CCT7: variants seen among roughly 807,000 people sequenced by gnomAD.
CCT7 encodes T-complex protein 1 subunit eta.
Under a neutral mutation model 56.6 loss-of-function variants are expected in CCT7, and 16 were observed. The observed-to-expected ratio is 0.28, with a 90% confidence interval of 0.19 to 0.43. The LOEUF (loss-of-function observed/expected upper bound fraction) is 0.43, where lower values mean the gene tolerates loss of function less well. CCT7 is among the 20% of genes least tolerant of loss of function. CCT7 has a pLI of 1.00. For synonymous variants in CCT7, 262 were observed against 254.8 expected, an observed-to-expected ratio of 1.03 and a Z score of -0.27; for missense variants, 519 against 685.6, an observed-to-expected ratio of 0.76 and a Z score of 2.71.
At position 73,239,656 on chromosome 2, in the gene CCT7, T is replaced by C; in HGVS notation, c.20T>C (p.Ile7Thr). 1.2e-6 allele frequency: 2 copies of C among 1,613,928 alleles called. No homozygotes were observed. Among genetic ancestry groups the C allele is most frequent in the Non-Finnish European group, 1.7e-6 (2 of 1,179,814 alleles). The change falls in exon 2 of 12, where the codon ATC (isoleucine) becomes ACC (threonine). Residue 7 changes from isoleucine to threonine, a missense_variant. Physicochemically the swap from Ile to Thr is moderately conservative, Grantham distance 89. This residue lies in a region of CCT7 where 276 missense variants were observed against 357.3 expected (regional missense o/e 0.77). Coordinates refer to ENST00000258091, the MANE Select transcript of CCT7 (RefSeq NM_006429.4). MMPTPV[I>T]LLKEGTDSSQ... Reference sequence around the variant, plus strand: ...TTTCTTTTCTAGCCCACACCAGTTATCCTATTGAAAGAGGGGACTGATAGC... The same window carrying C: ...TTTCTTTTCTAGCCCACACCAGTTACCCTATTGAAAGAGGGGACTGATAGC...
chr2:73,235,774 G>A (rs1352525088), intron 1 of CCT7: 3 of 161,786 alleles, frequency 1.9e-5, no homozygotes, highest in African/African-American at 7.2e-5. Flanking sequence ...TACTCGGCGA[G>A]GTGGTTGTTT....
intron 4 of CCT7, among the ~76,000 whole-genome samples, chr2:73,243,407 A>G (rs1396827735): frequency 1.3e-5 from 2 of 152,150 alleles, no homozygotes; most frequent in African/African-American, 4.8e-5. Flanking sequence ...TACTACTACT[A>G]CATGCTATAC....
At chr2:73,248,455 A>T (rs1687439451) in intron 7 of CCT7, among the ~76,000 whole-genome samples, 1 of 151,558 alleles carries the variant, frequency 6.6e-6, no homozygotes, top group African/African-American at 2.4e-5. Context: ...GGTTCAAGTG[A>T]TTCCCCTGCC....
intron 5 of CCT7, 27 bp from the exon 6 acceptor site, chr2:73,244,517 G>T: frequency 6.3e-7 from 1 of 1,588,220 alleles, no homozygotes; most frequent in Non-Finnish European, 8.6e-7. Context: ...TTCAAGACCT[G>T]ATGCAGATTC....
intron 10 of CCT7, 40 bp downstream of exon 10, chr2:73,250,478 C>T (rs373330254): frequency 6.2e-7 from 1 of 1,609,130 alleles, no homozygotes; most frequent in Non-Finnish European, 8.5e-7. Flanking sequence ...AGCCTACTCT[C>T]TCCTATCTCC....
intron 6 of CCT7, among the ~76,000 whole-genome samples, chr2:73,246,174 G>C (rs1426494903): frequency 1.3e-5 from 2 of 152,192 alleles, no homozygotes; most frequent in African/African-American, 4.8e-5. Context: ...CTTGTTACCA[G>C]GGTTAACTGG....
At chr2:73,252,323 T>TTA (rs1687625965) in intron 11 of CCT7, among the ~76,000 whole-genome samples, 2 of 108,496 alleles carry the variant, frequency 1.8e-5, no homozygotes, top group Non-Finnish European at 3.6e-5. Context: ...ACTCATTGTT[T>TTA]GATATATATA....
In CCT7 at chr2:73,248,966, C is replaced by G. The variant is rs1182525214; in HGVS notation, c.784-25C>G. 1.9e-6 allele frequency: 3 copies of G among 1,593,770 alleles called. No homozygotes were observed. In the African/African-American group the frequency reaches 4.0e-5, roughly 21 times the overall value. On this transcript the variant is annotated intron_variant, in intron 7 of 11. Coordinates refer to ENST00000258091, the MANE Select transcript of CCT7 (RefSeq NM_006429.4). The stretch of plus-strand genomic sequence containing the variant: ...ATGTCAACCTTCACCCCAAAGCATT[C>G]TCATCCTTTTCTGGGTCTCTCCAGG...
At chr2:73,248,252 G>A (rs1486685740) in intron 7 of CCT7, among the ~76,000 whole-genome samples, 1 of 152,122 alleles carries the variant, frequency 6.6e-6, no homozygotes, top group African/African-American at 2.4e-5. Context: ...ACTAGACCTA[G>A]TGCTGCAGAG....
At chr2:73,234,589 G>A (rs1243097675) in intron 1 of CCT7, among the ~76,000 whole-genome samples, 1 of 152,070 alleles carries the variant, frequency 6.6e-6, no homozygotes, top group African/African-American at 2.4e-5. Context: ...GGCTGCGTGG[G>A]GCTTTAGAGG....
At position 73,249,805 on chromosome 2, in the gene CCT7, T is replaced by G. The variant is rs1483772683; in HGVS notation, c.973-14T>G. The G allele has an allele frequency of 3.8e-6, 6 of 1,598,386 alleles. No homozygotes were observed. The highest frequency in any genetic ancestry group is 5.1e-6 in the Non-Finnish European group (6 of 1,165,804). The stretch of plus-strand genomic sequence containing the variant: ...GAACCTTCACTGCTAGATCTTGCCT[T>G]CCTTGCTCCCTAGGCCTGTGGAGGC... On this transcript the variant is annotated splice_polypyrimidine_tract_variant and intron_variant, in intron 8 of 11. Transcript: ENST00000258091.
rs1161716450 is a variant in CCT7, at chr2:73,252,621, T to C, written c.1411-19T>C. The stretch of plus-strand genomic sequence containing the variant: ...GAAAGTAGTTCCATATTACCTCCTT[T>C]CTTTTCCTACTCTTTTAGGGGGGTA... On this transcript the variant is annotated intron_variant, in intron 11 of 11. Coordinates refer to ENST00000258091, the MANE Select transcript of CCT7 (RefSeq NM_006429.4). 2 of 1,597,728 alleles carry C rather than the reference T, an allele frequency of 1.3e-6. No individual in the cohort carries two copies. The highest frequency in any genetic ancestry group is 1.7e-5 in the Admixed American group (1 of 59,912).
rs528242027 is a variant in CCT7 at position 73,234,345 on chromosome 2, G to A, written c.-34G>A. 73 of 1,613,786 alleles carry A rather than the reference G, an allele frequency of 4.5e-5. No individual in the cohort carries two copies. In the African/African-American group the frequency reaches 7.6e-4, roughly 17 times the overall value. ...TGGGCGGCCCGGTCTCGGAGAAGAG[G>A]GGAGAGTGGCGGGCCGCTGAATAAG... On this transcript the variant is annotated 5_prime_UTR_variant, in exon 1 of 12. Transcript: ENST00000258091.
chr2:73,240,864 G>A lies in CCT7; in HGVS notation c.267+321G>A, dbSNP rs116247926. On this transcript the variant is annotated intron_variant, in intron 3 of 11. Coordinates refer to ENST00000258091, the MANE Select transcript of CCT7 (RefSeq NM_006429.4). The stretch of plus-strand genomic sequence containing the variant: ...TTGACTTCTCATCTCTTACAAAATG[G>A]GGCTGTAAACTAAGACTTCCAATCT... Among the ~76,000 whole-genome samples, 1,464 of 151,510 alleles carry A rather than the reference G, an allele frequency of 9.7e-3. 15 individuals are homozygous for A. The highest frequency in any genetic ancestry group is 0.022 in the Admixed American group (334 of 15,226).
At chr2:73,245,885 C>T (rs890469916) in intron 6 of CCT7, among the ~76,000 whole-genome samples, 5 of 152,184 alleles carry the variant, frequency 3.3e-5, no homozygotes, top group Non-Finnish European at 7.3e-5. Context: ...TCATGGCTTG[C>T]TGACTTTGTC....
At chr2:73,242,943 A>G in intron 3 of CCT7, 61 bp from the exon 4 acceptor site, 15 of 1,606,254 alleles carry the variant, frequency 9.3e-6, no homozygotes, top group Non-Finnish European at 1.2e-5. Flanking sequence ...CTAAAAATGG[A>G]GTTTCAGGGC....
chr2:73,252,494 C>T (rs907314396), intron 11 of CCT7, 146 bp from the exon 12 acceptor site: 1 of 652,230 alleles, frequency 1.5e-6, no homozygotes, highest in African/African-American at 1.8e-5. Flanking sequence ...CTGGCATGCT[C>T]ATAGGAAGAT....
chr2:73,243,220 C>G, intron 4 of CCT7, 91 bp downstream of exon 4: 1 of 1,454,306 alleles, frequency 6.9e-7, no homozygotes, highest in Admixed American at 1.9e-5. Flanking sequence ...TGTGGAGGGA[C>G]TGGGGAACAG....
chr2:73,244,092 GAGCCT>G, intron 5 of CCT7, 43 bp downstream of exon 5: 2 of 1,556,586 alleles, frequency 1.3e-6, no homozygotes, highest in African/African-American at 1.4e-5. Context: ...TAAAGAGACG[GAGCCT>G]TGCTGTATTG....
Sources: gnomAD v4.1 joint callset for allele counts (sites outside exome capture counted in the v4.1 genomes callset) on GRCh38, gnomAD v4.1.1 for gene constraint, gnomAD v4.1.1 regional missense constraint, MANE v1.5 for transcripts, NCBI Gene and HGNC (gene_info 2026-07-23, HGNC 2026-07-21) for gene names.